The following CNTN1 variants were observed in gnomAD, a reference collection of about 807,000 sequenced individuals.
CNTN1 encodes the protein contactin-1.
Under a neutral mutation model 126.4 loss-of-function variants are expected in CNTN1, and 38 were observed. That is an observed-to-expected ratio of 0.30 (90% CI 0.23 to 0.39). The LOEUF is 0.39. Ranked by LOEUF, CNTN1 falls within the 10% of genes least tolerant of loss-of-function variation. The pLI is 1.00. For missense variants in CNTN1, 1,009 were observed against 1,248.4 expected (o/e 0.81, Z 2.89); for synonymous variants, 413 against 422.6 (o/e 0.98, Z 0.28).
rs201090702 is a variant in CNTN1, at chr12:41,057,417, CT to C, written c.2981-12539del. On this transcript the variant is annotated intron_variant, in intron 23 of 23. Coordinates refer to ENST00000551295, the MANE Select transcript of CNTN1 (RefSeq NM_001843.4). ...AATCTCACATGTACATTAGTAGACC[CT>C]TTACAAGGAAAATATTATTAAAGTT... Among the ~76,000 whole-genome samples, 913 of 151,644 alleles carry C rather than the reference CT, an allele frequency of 6.0e-3. 3 individuals carry two copies. Among genetic ancestry groups the C allele is most frequent in the Middle Eastern group, 0.029 (8 of 280 alleles).
intron 1 of CNTN1, among the ~76,000 whole-genome samples, chr12:40,824,969 G>A (rs1329871610): frequency 6.6e-6 from 1 of 152,128 alleles, no homozygotes; most frequent in Non-Finnish European, 1.5e-5. Context: ...ATATCTCAAT[G>A]AGTATCATAG....
intron 1 of CNTN1, among the ~76,000 whole-genome samples, chr12:40,873,959 G>A (rs1941368865): frequency 6.6e-6 from 1 of 152,036 alleles, no homozygotes; most frequent in Non-Finnish European, 1.5e-5. Flanking sequence ...CAGGAAAACT[G>A]GAGCACAGGG....
intron 1 of CNTN1, among the ~76,000 whole-genome samples, chr12:40,908,093 G>C (rs1351039677): frequency 6.6e-6 from 1 of 152,204 alleles, no homozygotes; most frequent in Non-Finnish European, 1.5e-5. Context: ...TGATTGCATT[G>C]TGTCAATACT....
intron 1 of CNTN1, among the ~76,000 whole-genome samples, chr12:40,756,770 A>T (rs943204190): frequency 1.3e-5 from 2 of 152,158 alleles, no homozygotes; most frequent in Non-Finnish European, 2.9e-5. Flanking sequence ...CCCTCAAGTC[A>T]TTCTCTGCTT....
At chr12:40,926,345 C>T (rs1277739124) in intron 6 of CNTN1, among the ~76,000 whole-genome samples, 2 of 151,768 alleles carry the variant, frequency 1.3e-5, no homozygotes, top group Admixed American at 1.3e-4. Flanking sequence ...ATATGAGTAT[C>T]CGAGAGAAGA....
chr12:40,899,839 A>G (rs1423283249), intron 1 of CNTN1, among the ~76,000 whole-genome samples: 3 of 152,200 alleles, frequency 2.0e-5, no homozygotes, highest in African/African-American at 7.2e-5. Context: ...CAGTTTGGGA[A>G]ACACTGACTT....
chr12:40,809,399 G>C (rs1245956734), intron 1 of CNTN1, among the ~76,000 whole-genome samples: 1 of 151,890 alleles, frequency 6.6e-6, no homozygotes, highest in Admixed American at 6.6e-5. Context: ...GTTAGTTTGG[G>C]GCAGGAAATA....
intron 1 of CNTN1, among the ~76,000 whole-genome samples, chr12:40,832,685 C>A (rs4453315): frequency 0.3 from 45,053 of 152,000 alleles, 7,520 homozygotes; most frequent in East Asian, 0.54. Context: ...GCTTTGCAGA[C>A]CCTGGAAGGA....
chr12:40,814,070 A>C (rs752242968), intron 1 of CNTN1, among the ~76,000 whole-genome samples: 24 of 152,086 alleles, frequency 1.6e-4, no homozygotes, highest in Middle Eastern at 3.4e-3. Flanking sequence ...AAATACGTTT[A>C]AGTTCCCTAT....
intron 1 of CNTN1, among the ~76,000 whole-genome samples, chr12:40,812,635 C>T (rs561270487): frequency 7.8e-4 from 119 of 152,216 alleles, no homozygotes; most frequent in Non-Finnish European, 1.4e-3. Flanking sequence ...TGAATTCACT[C>T]TTTTATCATG....
chr12:40,754,012 G>A (rs761753162), intron 1 of CNTN1, among the ~76,000 whole-genome samples: 23 of 151,660 alleles, frequency 1.5e-4, no homozygotes, highest in Admixed American at 1.3e-4. Context: ...GCTTCATATC[G>A]TTAAATTACC....
chr12:40,753,837 T>C (rs1938495836), intron 1 of CNTN1, among the ~76,000 whole-genome samples: 1 of 152,154 alleles, frequency 6.6e-6, no homozygotes, highest in Non-Finnish European at 1.5e-5. Flanking sequence ...TGACAGTGTC[T>C]GGAGCAACAT....
chr12:40,943,850 T>C lies in CNTN1; in HGVS notation c.1507+126T>C, dbSNP rs1946344936. 4 of 1,385,102 alleles carry C rather than the reference T, an allele frequency of 2.9e-6. No homozygotes were observed. In the Admixed American group the frequency reaches 6.0e-5, roughly 21 times the overall value. The allele number at this position is 1,385,102 out of a possible 1,614,324, so 85.8% of individuals were successfully genotyped here. Reference sequence around the variant, plus strand: ...AAAGAATTTCAGGCAAGTTTCTTGCTTGATGATATTGTTCTTGGAATTTGG... The same window carrying C: ...AAAGAATTTCAGGCAAGTTTCTTGCCTGATGATATTGTTCTTGGAATTTGG... On this transcript the variant is annotated intron_variant, in intron 13 of 23. Coordinates refer to ENST00000551295, the MANE Select transcript of CNTN1 (RefSeq NM_001843.4).
At chr12:40,980,726 C>A (rs1044978307) in intron 15 of CNTN1, among the ~76,000 whole-genome samples, 183 bp from the exon 16 acceptor site, 7 of 152,150 alleles carry the variant, frequency 4.6e-5, no homozygotes, top group African/African-American at 1.7e-4. Flanking sequence ...TACATGAAAT[C>A]ATTCAGTGAA....
chr12:40,989,618 C>T (rs940147324), intron 16 of CNTN1, among the ~76,000 whole-genome samples: 35 of 152,240 alleles, frequency 2.3e-4, no homozygotes, highest in African/African-American at 8.4e-4. Flanking sequence ...AGCTATGCTT[C>T]TTGCATTGAG....
intron 23 of CNTN1, among the ~76,000 whole-genome samples, chr12:41,041,616 A>T (rs1385185126): frequency 6.6e-6 from 1 of 152,132 alleles, no homozygotes; most frequent in Non-Finnish European, 1.5e-5. Flanking sequence ...CTATTCAGAG[A>T]GTCAACTTCG....
intron 23 of CNTN1, among the ~76,000 whole-genome samples, chr12:41,052,024 TC>T (rs1012844754): frequency 6.6e-6 from 1 of 151,858 alleles, no homozygotes; most frequent in African/African-American, 2.4e-5. Flanking sequence ...AGACTCACTC[TC>T]CACACACACA....
chr12:40,716,869 A>T (rs894714570), intron 1 of CNTN1, among the ~76,000 whole-genome samples: 7 of 152,322 alleles, frequency 4.6e-5, no homozygotes, highest in Admixed American at 1.3e-4. Flanking sequence ...AAAACAGATA[A>T]ATATAACCTG....
At chr12:40,975,256 C>T (rs1407931680) in intron 15 of CNTN1, among the ~76,000 whole-genome samples, 1 of 136,606 alleles carries the variant, frequency 7.3e-6, no homozygotes, top group Non-Finnish European at 1.6e-5. Flanking sequence ...ATGTGATCTA[C>T]CTTAAATATT....
Sources: gnomAD v4.1 joint callset for allele counts (sites outside exome capture counted in the v4.1 genomes callset) on GRCh38, gnomAD v4.1.1 for gene constraint, MANE v1.5 for transcripts, NCBI Gene and HGNC (gene_info 2026-07-23, HGNC 2026-07-21) for gene names.